Variants in RAD54L2 observed in about 807,000 individuals in gnomAD.
The protein encoded by RAD54L2 is RAD54 like 2.
Under a neutral mutation model 138.4 loss-of-function variants are expected in RAD54L2, and 27 were observed. That is an observed-to-expected ratio of 0.20 (90% CI 0.14 to 0.27). The LOEUF is 0.27. Among genes scored for constraint, RAD54L2 ranks in the 10% least tolerant of loss-of-function variants. RAD54L2 has a pLI of 1.00. For synonymous variants in RAD54L2, 644 were observed against 723.2 expected (o/e 0.89, Z 1.76); for missense variants, 1,396 against 1,890.2 (o/e 0.74, Z 4.85).
At chr3:51,571,041 G>A (rs924787997) in intron 2 of RAD54L2, among the ~76,000 whole-genome samples, 3 of 151,826 alleles carry the variant, frequency 2.0e-5, no homozygotes, top group Non-Finnish European at 2.9e-5. Context: ...GGCTGATCCC[G>A]AACTCCTGGC....
rs1022607261 is a variant in RAD54L2, at chr3:51,660,103, C to T, written c.3394C>T (p.Arg1132Trp). ...CAAACCAAAGGTTCCTGAAGATGGT[C>T]GGATGGCTGCCTCAGGTGTGATGGC... ...TGKPKVPEDG[R>W]MAASGSQGPS... The change falls in exon 22 of 23, where the codon CGG (arginine) becomes TGG (tryptophan). Residue 1132 changes from arginine (R) to tryptophan (W), a missense_variant. Arg to Trp is a moderately radical substitution (Grantham distance 101, BLOSUM62 -3). Around this residue, in one of 7 missense-constraint regions of RAD54L2, gnomAD observed 634 missense variants for 711.2 expected, o/e 0.89. Transcript: ENST00000684192. 12 of 1,600,224 alleles carry T rather than the reference C, an allele frequency of 7.5e-6. No homozygotes were observed. Among genetic ancestry groups the T allele is most frequent in the African/African-American group, 1.3e-5 (1 of 74,892 alleles).
chr3:51,642,342 T>C (rs1361346119), intron 15 of RAD54L2, among the ~76,000 whole-genome samples: 1 of 151,980 alleles, frequency 6.6e-6, no homozygotes, highest in African/African-American at 2.4e-5. Context: ...TTTTTTTTTT[T>C]TTTTTGAGCA....
rs143121152 is a variant in RAD54L2, at chr3:51,540,263, A to C, written c.-116-1326A>C. 1.6e-4 allele frequency among the ~76,000 whole-genome samples: 25 copies of C among 152,364 alleles called. 1 individual carries two copies. The East Asian group carries it at 3.1e-3, about 19-fold the overall frequency. On this transcript the variant is annotated intron_variant, in intron 1 of 22. Transcript: ENST00000684192. Reference sequence around the variant, plus strand: ...TTGTTAAATGGTCTTTCCATCCTTAAATCCATGAAATTTCATCTTCTCTTA... The same window carrying C: ...TTGTTAAATGGTCTTTCCATCCTTACATCCATGAAATTTCATCTTCTCTTA...
intron 2 of RAD54L2, among the ~76,000 whole-genome samples, chr3:51,545,768 C>G (rs1698676118): frequency 6.6e-6 from 1 of 151,436 alleles, no homozygotes; most frequent in Non-Finnish European, 1.5e-5. Context: ...TTTGTAGAGG[C>G]AGGGGTCCCA....
At chr3:51,601,474 A>C (rs1188854296) in intron 3 of RAD54L2, among the ~76,000 whole-genome samples, 1 of 148,266 alleles carries the variant, frequency 6.7e-6, no homozygotes, top group Non-Finnish European at 1.5e-5. Flanking sequence ...CGCCCTGCTA[A>C]TTTTTGTATT....
chr3:51,539,798 T>C (rs1479556067), intron 1 of RAD54L2, among the ~76,000 whole-genome samples: 1 of 152,190 alleles, frequency 6.6e-6, no homozygotes, highest in African/African-American at 2.4e-5. Flanking sequence ...TTAGGATTCC[T>C]GTTGCTTGCT....
intron 3 of RAD54L2, among the ~76,000 whole-genome samples, chr3:51,609,349 T>C (rs1343363932): frequency 1.3e-5 from 2 of 152,248 alleles, no homozygotes; most frequent in African/African-American, 2.4e-5. Flanking sequence ...TGATGCTTGC[T>C]TTATCCCTTC....
chr3:51,558,124 G>A (rs1699015698), intron 2 of RAD54L2, among the ~76,000 whole-genome samples: 1 of 152,088 alleles, frequency 6.6e-6, no homozygotes, highest in Non-Finnish European at 1.5e-5. Flanking sequence ...GGGATTACAG[G>A]TGTGAGCCAC....
At chr3:51,629,525 C>A in intron 5 of RAD54L2, 52 bp downstream of exon 5, 1 of 1,594,966 alleles carries the variant, frequency 6.3e-7, no homozygotes, top group East Asian at 2.3e-5. Flanking sequence ...GGAAGAAGCC[C>A]TAGGTGCACA....
intron 22 of RAD54L2, among the ~76,000 whole-genome samples, chr3:51,661,736 C>T (rs543956726): frequency 1.3e-5 from 2 of 152,216 alleles, no homozygotes; most frequent in Non-Finnish European, 2.9e-5. Context: ...CCCATATACC[C>T]TGCACCTAGA....
Position 51,630,777 on chromosome 3 carries a change from A to G in RAD54L2, c.671A>G (p.Asp224Gly), listed in dbSNP as rs769626743. 1 of 1,614,012 alleles carries G rather than the reference A, an allele frequency of 6.2e-7. No homozygotes were observed. Among genetic ancestry groups the G allele is most frequent in the Non-Finnish European group, 8.5e-7 (1 of 1,179,884 alleles). Reference protein sequence around the residue: ...IVDSSESVSEDDEEEEKGGTH... With the variant: ...IVDSSESVSEGDEEEEKGGTH... ...GACAGCAGTGAATCTGTCAGTGAAG[A>G]TGATGAGGAAGAAGAGAAGGGTGGC... The change falls in exon 7 of 23, where the codon GAT becomes GGT. Residue 224 changes from aspartate to glycine, a missense_variant. This residue lies in a region of RAD54L2 where 256 missense variants were observed against 344.6 expected (regional missense o/e 0.74). Coordinates refer to ENST00000684192, the MANE Select transcript of RAD54L2 (RefSeq NM_015106.4).
At chr3:51,548,269 ACCTCTG>A (rs1261219647) in intron 2 of RAD54L2, among the ~76,000 whole-genome samples, 3 of 151,702 alleles carry the variant, frequency 2.0e-5, no homozygotes, top group Non-Finnish European at 4.4e-5. Flanking sequence ...GCTCACTGCA[ACCTCTG>A]CCTCCCAGGT....
chr3:51,664,479 C>G lies in RAD54L2; in HGVS notation c.*1059C>G, dbSNP rs1022787693. Reference sequence around the variant, plus strand: ...GTTCCTTTCCTTCCCCTTTAGAGAGCTCCATGTTAATTTATTTCTTATGGG... The same window carrying G: ...GTTCCTTTCCTTCCCCTTTAGAGAGGTCCATGTTAATTTATTTCTTATGGG... On this transcript the variant is annotated 3_prime_UTR_variant, in exon 23 of 23. Transcript: ENST00000684192. The G allele has an allele frequency of 6.6e-6, 1 of 151,872 alleles. No homozygotes were observed. Among genetic ancestry groups the G allele is most frequent in the Non-Finnish European group, 1.5e-5 (1 of 68,034 alleles). The allele number at this position is 151,872 out of a possible 1,614,324, so 9.4% of individuals were successfully genotyped here.
At chr3:51,647,026 A>G (rs1266345409) in intron 19 of RAD54L2, among the ~76,000 whole-genome samples, 77 of 152,258 alleles carry the variant, frequency 5.1e-4, no homozygotes, top group Non-Finnish European at 5.9e-5. Context: ...CTTGTAAGAT[A>G]TTATAGAACA....
At chr3:51,585,334 TC>T (rs1699687391) in intron 2 of RAD54L2, among the ~76,000 whole-genome samples, 1 of 152,194 alleles carries the variant, frequency 6.6e-6, no homozygotes, top group Non-Finnish European at 1.5e-5. Flanking sequence ...CATGATGCTA[TC>T]AAGGACCATA....
In RAD54L2 at chr3:51,659,991, C is replaced by G. The variant is rs1405846433; in HGVS notation, c.3317-35C>G. On this transcript the variant is annotated intron_variant, in intron 21 of 22. Transcript: ENST00000684192. ...TCCCAGGGTTGGCTGTATTATATGT[C>G]TGCCTCTAACTGTCTTCTTCGTGTC... The G allele has an allele frequency of 5.3e-6, 8 of 1,512,824 alleles. No homozygotes were observed. The South Asian group carries it at 7.2e-5, about 14-fold the overall frequency. 93.7% of individuals were successfully genotyped at this position (1,512,824 alleles called of 1,614,324 possible). A position where few individuals can be genotyped will look rare whatever the true frequency, so the allele number is the denominator to read the frequency against.
chr3:51,649,317 A>G (rs142743477), intron 19 of RAD54L2, among the ~76,000 whole-genome samples: 1 of 152,318 alleles, frequency 6.6e-6, no homozygotes, highest in African/African-American at 2.4e-5. Context: ...GACCAAATCT[A>G]CGTTTGATTG....
intron 2 of RAD54L2, among the ~76,000 whole-genome samples, chr3:51,562,594 A>T (rs1699124300): frequency 1.3e-5 from 2 of 151,408 alleles, no homozygotes; most frequent in Non-Finnish European, 2.9e-5. Context: ...TGAACTCCTG[A>T]CCTCAGGTGA....
chr3:51,543,491 C>T (rs1698607583), intron 2 of RAD54L2, among the ~76,000 whole-genome samples: 1 of 151,906 alleles, frequency 6.6e-6, no homozygotes, highest in African/African-American at 2.4e-5. Flanking sequence ...GCCTGTAATC[C>T]CAGCTACTCG....
Sources: allele counts gnomAD v4.1 joint callset (sites outside exome capture counted in the v4.1 genomes callset), GRCh38; gene constraint gnomAD v4.1.1; regional missense constraint gnomAD v4.1.1; transcripts MANE v1.5; gene names NCBI Gene and HGNC (gene_info 2026-07-23, HGNC 2026-07-21).